UBE4B: variants seen among roughly 807,000 people sequenced by gnomAD.
The protein encoded by UBE4B is ubiquitin conjugation factor E4 B.
A neutral mutation model predicts 148.1 loss-of-function variants in UBE4B; 27 were observed. The observed-to-expected ratio is 0.18, with a 90% CI of 0.13 to 0.25. The LOEUF (loss-of-function observed/expected upper bound fraction) is 0.25, where lower values mean the gene tolerates loss of function less well. Ranked by LOEUF, UBE4B falls within the 10% of genes least tolerant of loss-of-function variation. The probability of loss-of-function intolerance (pLI) is 1.00; values close to 1 mark genes in which losing one functional copy is unlikely to be tolerated. For missense variants in UBE4B, 1,170 were observed against 1,662.4 expected, an observed-to-expected ratio of 0.70 and a Z score of 5.15; for synonymous variants, 596 against 619.3, an observed-to-expected ratio of 0.96 and a Z score of 0.56.
Position 10,161,067 on chromosome 1 carries a change from T to G in UBE4B, c.3054-75T>G, listed in dbSNP as rs1009767320. 1.3e-5 allele frequency: 20 copies of G among 1,554,130 alleles called. No individual in the cohort carries two copies. Among genetic ancestry groups the G allele is most frequent in the Non-Finnish European group, 1.8e-5 (20 of 1,139,916 alleles). On this transcript the variant is annotated intron_variant, in intron 22 of 27. Coordinates refer to ENST00000343090, the MANE Select transcript of UBE4B (RefSeq NM_001105562.3). This position sits in a 1 kb window ranked among gnomAD's most constrained non-coding sequence, Gnocchi z 4.1. Reference sequence around the variant, plus strand: ...ATAGTTGCAGTCTGGGTGGAGGTGCTTGTTCCCTGGGATTTGCTGTGGCAT... The same window carrying G: ...ATAGTTGCAGTCTGGGTGGAGGTGCGTGTTCCCTGGGATTTGCTGTGGCAT...
At chr1:10,098,725 T>A (rs532315572) in intron 3 of UBE4B, among the ~76,000 whole-genome samples, 9 of 152,308 alleles carry the variant, frequency 5.9e-5, no homozygotes, top group African/African-American at 2.2e-4. Context: ...AGAGTGTATG[T>A]GTTACTACAG....
chr1:10,088,389 A>AT (rs199676522), intron 2 of UBE4B, among the ~76,000 whole-genome samples: 1,901 of 150,946 alleles, frequency 0.013, 36 homozygotes, highest in African/African-American at 0.043. Flanking sequence ...AATTTATTTT[A>AT]TTTTTTTTTG....
chr1:10,109,684 T>A (rs1645185621), intron 7 of UBE4B, among the ~76,000 whole-genome samples: 1 of 151,994 alleles, frequency 6.6e-6, no homozygotes, highest in Admixed American at 6.6e-5. Context: ...GGAGTCTTGC[T>A]TTGTCACCCA....
chr1:10,162,877 T>C (rs957935935), intron 23 of UBE4B, among the ~76,000 whole-genome samples: 1 of 152,090 alleles, frequency 6.6e-6, no homozygotes, highest in Non-Finnish European at 1.5e-5. Context: ...CTTTTCTTCT[T>C]ATGTATTAAA....
intron 7 of UBE4B, among the ~76,000 whole-genome samples, chr1:10,117,216 T>C (rs1645327439): frequency 6.6e-6 from 1 of 152,130 alleles, no homozygotes; most frequent in Non-Finnish European, 1.5e-5. Context: ...GTGCTTCTGG[T>C]TTTCTAAGTT....
Position 10,106,160 on chromosome 1 carries a change from T to C in UBE4B, c.810-37T>C. On this transcript the variant is annotated intron_variant, in intron 6 of 27. Transcript: ENST00000343090. This position sits in a 1 kb window ranked among gnomAD's most constrained non-coding sequence, Gnocchi z 4.2. ...TTAGTTATCTCAAGTTTTTCTTTGA[T>C]TTTTCTCTTCTTTCCTCCCTTTCTC... is the stretch of plus-strand genomic sequence containing the variant. The C allele has an allele frequency of 1.3e-6, 2 of 1,526,296 alleles. No individual in the cohort carries two copies. The highest frequency in any genetic ancestry group is 1.8e-6 in the Non-Finnish European group (2 of 1,137,154). The allele number at this position is 1,526,296 out of a possible 1,614,324, so 94.5% of individuals were successfully genotyped here.
intron 2 of UBE4B, among the ~76,000 whole-genome samples, chr1:10,075,653 G>T (rs1473921995): frequency 6.6e-6 from 1 of 152,070 alleles, no homozygotes; most frequent in Non-Finnish European, 1.5e-5. Context: ...ACAAACAGTT[G>T]GATATTATTA....
At chr1:10,047,586 A>G (rs2101786414) in intron 1 of UBE4B, among the ~76,000 whole-genome samples, 2 of 135,996 alleles carry the variant, frequency 1.5e-5, no homozygotes, top group African/African-American at 5.6e-5. Flanking sequence ...TCCGCCTCCC[A>G]GGTTCACGCC....
rs1350748638 is a variant in UBE4B at position 10,156,534 on chromosome 1, A to G, written c.2927-1822A>G. On this transcript the variant is annotated intron_variant, in intron 21 of 27. Coordinates refer to ENST00000343090, the MANE Select transcript of UBE4B (RefSeq NM_001105562.3). ...GAAATACAGATGCGGGGCCCTGCTG[A>G]GATACATATTGCTACATAATAAATT... is the stretch of plus-strand genomic sequence containing the variant. Among the ~76,000 whole-genome samples the G allele has an allele frequency of 1.6e-4, 25 of 152,034 alleles. 1 individual carries two copies. Among genetic ancestry groups the G allele is most frequent in the Admixed American group, 1.6e-3 (25 of 15,242 alleles).
At chr1:10,061,613 T>G (rs932058941) in intron 1 of UBE4B, among the ~76,000 whole-genome samples, 6 of 151,986 alleles carry the variant, frequency 3.9e-5, no homozygotes, top group Non-Finnish European at 8.8e-5. Flanking sequence ...TCTTTTAAGA[T>G]TTTTTGGGGT....
At chr1:10,149,121 C>T in intron 19 of UBE4B, 63 bp from the exon 20 acceptor site, 1 of 1,173,448 alleles carries the variant, frequency 8.5e-7, no homozygotes, top group Admixed American at 2.3e-5. Context: ...TAATGTAATA[C>T]TCCTTGTAGT....
chr1:10,051,320 G>A (rs1255085720), intron 1 of UBE4B, among the ~76,000 whole-genome samples: 2 of 152,204 alleles, frequency 1.3e-5, no homozygotes, highest in Non-Finnish European at 2.9e-5. Context: ...GATGTGAAGT[G>A]TGCATGGTGT....
chr1:10,070,686 A>T (rs544715875), intron 1 of UBE4B, among the ~76,000 whole-genome samples: 8 of 152,280 alleles, frequency 5.3e-5, no homozygotes, highest in Admixed American at 3.3e-4. Context: ...CCCTGCTGTT[A>T]GTAGGAGTTC....
rs1553156188 is a variant in UBE4B at position 10,175,650 on chromosome 1, C to CA, written c.3526-2991dup. The stretch of plus-strand genomic sequence containing the variant: ...TGGGCGACAGAGCGAGACTCCGTCT[C>CA]AAATAAATAAATAAATAAATAAATA... On this transcript the variant is annotated intron_variant, in intron 25 of 27. Coordinates refer to ENST00000343090, the MANE Select transcript of UBE4B (RefSeq NM_001105562.3). Among the ~76,000 whole-genome samples, 20 of 140,322 alleles carry CA rather than the reference C, an allele frequency of 1.4e-4. No individual in the cohort carries two copies. In the East Asian group the frequency reaches 2.7e-3, roughly 19 times the overall value. The allele number at this position is 140,322 out of a possible 152,430, so 92.1% of individuals were successfully genotyped here.
In UBE4B at chr1:10,134,807, G is replaced by A. The variant is rs542862168; in HGVS notation, c.2026-181G>A. 4.6e-5 allele frequency among the ~76,000 whole-genome samples: 7 copies of A among 151,762 alleles called. No homozygotes were observed. In the South Asian group the frequency reaches 1.0e-3, roughly 23 times the overall value. On this transcript the variant is annotated intron_variant, in intron 15 of 27. Transcript: ENST00000343090. ...AGCACTTTGGGAAGCTGAGGTGGGC[G>A]GATCACTTTAGGTCCCAGCTACTTG...
chr1:10,173,495 T>C (rs1355722328), intron 25 of UBE4B, among the ~76,000 whole-genome samples: 1 of 141,866 alleles, frequency 7.0e-6, no homozygotes, highest in Non-Finnish European at 1.5e-5. Flanking sequence ...AAAAAAAAAA[T>C]TATATATATA....
intron 2 of UBE4B, among the ~76,000 whole-genome samples, chr1:10,080,591 T>C (rs1644662716): frequency 6.6e-6 from 1 of 152,158 alleles, no homozygotes; most frequent in Admixed American, 6.5e-5. Flanking sequence ...ATTCATATGC[T>C]GAAGAGATAC....
rs547799818 is a variant in UBE4B, at chr1:10,047,963, C to A, written c.24+14269C>A. Among the ~76,000 whole-genome samples the A allele has an allele frequency of 7.2e-5, 11 of 152,302 alleles. No homozygotes were observed. The South Asian group carries it at 2.3e-3, about 32-fold the overall frequency. ...TAACTCCTGGGTTCAAGTGATCCTT[C>A]TGCCTTAGTCTCCTGAGTAACTGGG... On this transcript the variant is annotated intron_variant, in intron 1 of 27. Coordinates refer to ENST00000343090, the MANE Select transcript of UBE4B (RefSeq NM_001105562.3).
intron 25 of UBE4B, among the ~76,000 whole-genome samples, chr1:10,177,664 T>G (rs552577521): frequency 2.0e-5 from 3 of 151,636 alleles, no homozygotes; most frequent in Admixed American, 6.6e-5. Flanking sequence ...TCAAAATATA[T>G]ATATATATTT....
Sources: gnomAD v4.1 joint callset for allele counts (sites outside exome capture counted in the v4.1 genomes callset) on GRCh38, gnomAD v4.1.1 for gene constraint, Gnocchi (gnomAD v3.1) non-coding constraint, MANE v1.5 for transcripts, NCBI Gene and HGNC (gene_info 2026-07-23, HGNC 2026-07-21) for gene names.